The following ZNF536 variants were observed in gnomAD, a reference collection of about 807,000 sequenced individuals.
ZNF536 encodes the protein zinc finger protein 536.
Under a neutral mutation model 84.5 loss-of-function variants are expected in ZNF536, and 13 were observed. The ratio of observed to expected loss-of-function variants is 0.15; its 90% confidence interval spans 0.10 to 0.24. The LOEUF (loss-of-function observed/expected upper bound fraction) is 0.24, where lower values mean the gene tolerates loss of function less well. ZNF536 is among the 10% of genes least tolerant of loss of function. ZNF536 has a pLI of 1.00. For synonymous variants in ZNF536, 811 were observed against 742.5 expected, an observed-to-expected ratio of 1.09 and a Z score of -1.50; for missense variants, 1,536 against 1,747.5, an observed-to-expected ratio of 0.88 and a Z score of 2.16.
chr19:30,518,195 C>G (rs2044168730), intron 2 of ZNF536, among the ~76,000 whole-genome samples: 1 of 152,208 alleles, frequency 6.6e-6, no homozygotes, highest in Non-Finnish European at 1.5e-5. Context: ...CTGTCACCTC[C>G]TGTTGCAGGC....
At chr19:30,631,259 GC>G (rs1568619678) in intron 1 of ZNF536, among the ~76,000 whole-genome samples, 2 of 152,186 alleles carry the variant, frequency 1.3e-5, no homozygotes, top group Non-Finnish European at 2.9e-5. Context: ...CAGTCACCTT[GC>G]CACCCACACT....
At chr19:30,403,676 T>G in intron 1 of ZNF536, among the ~76,000 whole-genome samples, 1 of 152,374 alleles carries the variant, frequency 6.6e-6, no homozygotes, top group Admixed American at 6.5e-5. Flanking sequence ...GAAGACCCAC[T>G]TGCTGTCTTC....
At chr19:30,381,101 C>T (rs1231338206) in intron 1 of ZNF536, among the ~76,000 whole-genome samples, 7 of 152,282 alleles carry the variant, frequency 4.6e-5, no homozygotes, top group South Asian at 2.1e-4. Context: ...TGGTCTTGAA[C>T]TCCTGGCCTC....
At chr19:30,499,612 C>CA (rs1234693337) in intron 2 of ZNF536, among the ~76,000 whole-genome samples, 2 of 152,104 alleles carry the variant, frequency 1.3e-5, no homozygotes, top group Admixed American at 6.6e-5. Flanking sequence ...TTCAAACATC[C>CA]AAATTGTAGA....
intron 2 of ZNF536, among the ~76,000 whole-genome samples, chr19:30,316,094 C>G (rs1157997395): frequency 6.6e-6 from 1 of 152,170 alleles, no homozygotes; most frequent in Non-Finnish European, 1.5e-5. Flanking sequence ...AACACTGTAT[C>G]ACGGTAAACA....
At chr19:30,501,572 C>T (rs1025871970) in intron 2 of ZNF536, among the ~76,000 whole-genome samples, 2 of 152,202 alleles carry the variant, frequency 1.3e-5, no homozygotes, top group South Asian at 2.1e-4. Flanking sequence ...CCTTCATTGG[C>T]TGAGCAGTCA....
intron 3 of ZNF536, among the ~76,000 whole-genome samples, chr19:30,546,750 G>A (rs1423253230): frequency 2.0e-5 from 3 of 152,234 alleles, no homozygotes; most frequent in African/African-American, 4.8e-5. Context: ...TGTGGATATT[G>A]ACAGGGCACC....
chr19:30,534,057 T>G (rs2044969688), intron 2 of ZNF536, among the ~76,000 whole-genome samples: 1 of 152,238 alleles, frequency 6.6e-6, no homozygotes, highest in Non-Finnish European at 1.5e-5. Context: ...TAAATTTTAT[T>G]CCGTTTTCTA....
intron 1 of ZNF536, among the ~76,000 whole-genome samples, chr19:30,373,895 A>G (rs1545038): frequency 0.99 from 150,181 of 152,322 alleles, 74,153 homozygotes; most frequent in African/African-American, 1. Context: ...GGTGGGCCTC[A>G]GCAAGGTGCA....
chr19:30,376,510 A>C (rs1025985161), intron 1 of ZNF536, among the ~76,000 whole-genome samples: 15 of 152,284 alleles, frequency 9.9e-5, no homozygotes, highest in African/African-American at 3.6e-4. Flanking sequence ...TTTCACACAG[A>C]TAGCACCCAC....
downstream of ZNF536, among the ~76,000 whole-genome samples, chr19:30,559,911 C>T (rs767136485): frequency 7.2e-5 from 11 of 152,108 alleles, no homozygotes; most frequent in Admixed American, 6.5e-4. Flanking sequence ...AGTTGCTCCC[C>T]GGTGGAAACT....
chr19:30,410,155 G>C (rs1324223503), intron 1 of ZNF536, among the ~76,000 whole-genome samples: 1 of 151,946 alleles, frequency 6.6e-6, no homozygotes, highest in Non-Finnish European at 1.5e-5. Flanking sequence ...TTAGTGCCAT[G>C]CTTTGAAAAT....
At position 30,335,408 on chromosome 19, in the gene ZNF536, C is replaced by T. The variant is rs181829624; in HGVS notation, c.-119-16960C>T. Among the ~76,000 whole-genome samples, 255 of 152,302 alleles carry T rather than the reference C, an allele frequency of 1.7e-3. 1 individual carries two copies. Among genetic ancestry groups the T allele is most frequent in the African/African-American group, 5.5e-3 (228 of 41,558 alleles). The stretch of plus-strand genomic sequence containing the variant: ...AGCCACCCCCAGCCTGGTACACATC[C>T]CATCCTGTCTCACGAGCATGTCATC... On this transcript the variant is annotated intron_variant, in intron 2 of 5. Transcript: ENST00000585628.
intron 1 of ZNF536, among the ~76,000 whole-genome samples, chr19:30,427,140 T>TA (rs767185314): frequency 3.3e-5 from 5 of 152,202 alleles, no homozygotes; most frequent in Non-Finnish European, 7.3e-5. Context: ...TACCTATCTG[T>TA]AAAATGGGCA....
intron 1 of ZNF536, among the ~76,000 whole-genome samples, chr19:30,276,388 G>C (rs996513126): frequency 3.9e-5 from 6 of 152,082 alleles, no homozygotes; most frequent in Non-Finnish European, 7.4e-5. Flanking sequence ...TTATTATACT[G>C]GGAAAGTTTT....
rs1473018150 is a variant in ZNF536, at chr19:30,667,500, GGTGGTTAGGA to G, written c.170-43255_170-43246del. ...GAAGCTGCCTGTGAGTGGGAAGGTG[GGTGGTTAGGA>G]GACCTGAAATGCCGAAGTGTCCCCA... On this transcript the variant is annotated intron_variant, in intron 1 of 1. Transcript: ENST00000592773. 2.6e-5 allele frequency among the ~76,000 whole-genome samples: 4 copies of G among 152,080 alleles called. 2 individuals carry two copies. In the South Asian group the frequency reaches 8.3e-4, roughly 31 times the overall value.
At chr19:30,522,355 A>G (rs1281874507) in intron 2 of ZNF536, among the ~76,000 whole-genome samples, 1 of 147,316 alleles carries the variant, frequency 6.8e-6, no homozygotes, top group East Asian at 2.0e-4. Context: ...TGAAGGGTTC[A>G]GCATTTATTC....
intron 1 of ZNF536, among the ~76,000 whole-genome samples, chr19:30,564,520 C>A (rs1453146246): frequency 1.3e-5 from 2 of 152,002 alleles, no homozygotes; most frequent in African/African-American, 4.8e-5. Flanking sequence ...ATGGGCCATC[C>A]CACTGCTGGT....
chr19:30,662,234 T>C (rs188208023), intron 1 of ZNF536, among the ~76,000 whole-genome samples: 19 of 152,358 alleles, frequency 1.2e-4, no homozygotes, highest in Admixed American at 1.1e-3. Context: ...AAAGACTTTC[T>C]GTCCTGAAAA....
Sources: gnomAD v4.1 joint callset for allele counts (sites outside exome capture counted in the v4.1 genomes callset) on GRCh38, gnomAD v4.1.1 for gene constraint, MANE v1.5 for transcripts, NCBI Gene and HGNC (gene_info 2026-07-23, HGNC 2026-07-21) for gene names.